Variants in MAGI1 observed in about 807,000 individuals in gnomAD.
MAGI1 encodes the protein membrane associated guanylate kinase, WW and PDZ domain containing 1.
In MAGI1, 58 loss-of-function variants were observed where a neutral mutation model predicts 139.9. That is an observed-to-expected ratio of 0.41 (90% CI 0.34 to 0.52). The LOEUF is 0.52. Ranked by LOEUF, MAGI1 falls within the 20% of genes least tolerant of loss-of-function variation. MAGI1 has a pLI of 0.12. For missense variants in MAGI1, 1,874 were observed against 1,901.6 expected (o/e 0.99, Z 0.27); for synonymous variants, 812 against 737.9 (o/e 1.10, Z -1.63).
chr3:65,945,060 G>A (rs940727665), intron 1 of MAGI1, among the ~76,000 whole-genome samples: 2 of 152,144 alleles, frequency 1.3e-5, no homozygotes, highest in Non-Finnish European at 2.9e-5. Context: ...GGAAACAAGT[G>A]GTGTGTCCGT....
At chr3:65,762,513 T>C (rs1247306849) in intron 1 of MAGI1, among the ~76,000 whole-genome samples, 2 of 152,146 alleles carry the variant, frequency 1.3e-5, no homozygotes, top group Non-Finnish European at 2.9e-5. Flanking sequence ...ATCATTATTT[T>C]ACATTATAAT....
At chr3:65,794,279 C>A (rs535426404) in intron 1 of MAGI1, among the ~76,000 whole-genome samples, 2 of 152,176 alleles carry the variant, frequency 1.3e-5, no homozygotes, top group African/African-American at 4.8e-5. Context: ...TTGCAAGCCA[C>A]AGACTCAACA....
chr3:65,454,568 G>T (rs1247831642), intron 5 of MAGI1, among the ~76,000 whole-genome samples: 12 of 124,886 alleles, frequency 9.6e-5, no homozygotes, highest in African/African-American at 2.9e-4. Context: ...AAAAATACTT[G>T]TTTTACAAAA....
At chr3:65,823,682 G>A (rs2042065983) in intron 1 of MAGI1, among the ~76,000 whole-genome samples, 1 of 152,144 alleles carries the variant, frequency 6.6e-6, no homozygotes, top group Admixed American at 6.6e-5. Flanking sequence ...CTATTTTTAT[G>A]AGAAGGCAAT....
At chr3:65,835,611 A>T (rs563027681) in intron 1 of MAGI1, among the ~76,000 whole-genome samples, 1 of 152,196 alleles carries the variant, frequency 6.6e-6, no homozygotes, top group Non-Finnish European at 1.5e-5. Context: ...ACAGATGACT[A>T]TATACAAGAA....
intron 2 of MAGI1, among the ~76,000 whole-genome samples, chr3:65,544,654 G>A (rs1243716309): frequency 6.6e-6 from 1 of 152,080 alleles, no homozygotes; most frequent in Non-Finnish European, 1.5e-5. Context: ...TTGTGGTTTG[G>A]ACAATTTTCA....
At chr3:65,653,909 A>G (rs1227312001) in intron 1 of MAGI1, among the ~76,000 whole-genome samples, 1 of 152,184 alleles carries the variant, frequency 6.6e-6, no homozygotes, top group Non-Finnish European at 1.5e-5. Flanking sequence ...ATGCATACAC[A>G]TAGGCGTTAT....
At chr3:65,501,883 C>T (rs1305853227) in intron 2 of MAGI1, among the ~76,000 whole-genome samples, 1 of 152,208 alleles carries the variant, frequency 6.6e-6, no homozygotes, top group Non-Finnish European at 1.5e-5. Flanking sequence ...ACTACAGATA[C>T]ACACAGCATG....
At chr3:65,507,265 C>T (rs2077331372) in intron 2 of MAGI1, among the ~76,000 whole-genome samples, 1 of 152,164 alleles carries the variant, frequency 6.6e-6, no homozygotes, top group Non-Finnish European at 1.5e-5. Context: ...CTGAACATAT[C>T]TTTCCATTTG....
At chr3:65,611,306 T>C (rs2083089398) in intron 2 of MAGI1, among the ~76,000 whole-genome samples, 1 of 141,862 alleles carries the variant, frequency 7.0e-6, no homozygotes. Flanking sequence ...GTATATACTA[T>C]ATGTACATAT....
chr3:65,810,939 T>C (rs370904360), intron 1 of MAGI1, among the ~76,000 whole-genome samples: 2 of 152,228 alleles, frequency 1.3e-5, no homozygotes, highest in African/African-American at 2.4e-5. Context: ...ACATGGCATA[T>C]AGTAGGTACT....
intron 5 of MAGI1, 41 bp downstream of exon 5, chr3:65,470,242 A>C (rs754192491): frequency 7.0e-7 from 1 of 1,422,646 alleles, no homozygotes; most frequent in Non-Finnish European, 9.9e-7. Flanking sequence ...AAGGGAAAAG[A>C]AAGAGAGAGA....
At chr3:65,416,354 T>C (rs1411970775) in intron 12 of MAGI1, among the ~76,000 whole-genome samples, 1 of 152,216 alleles carries the variant, frequency 6.6e-6, no homozygotes, top group Admixed American at 6.5e-5. Context: ...TTATGACTGC[T>C]ATTCTATGAC....
chr3:65,453,025 G>C (rs761392033), intron 6 of MAGI1: 7 of 490,236 alleles, frequency 1.4e-5, no homozygotes, highest in Non-Finnish European at 2.2e-5. Context: ...TGACTGTTCT[G>C]CTTCTAATGG....
chr3:65,891,838 G>A (rs1187275817), intron 1 of MAGI1, among the ~76,000 whole-genome samples: 2 of 124,548 alleles, frequency 1.6e-5, no homozygotes, highest in Non-Finnish European at 3.3e-5. Context: ...GTATACATAC[G>A]TAACAAACCT....
At chr3:65,578,050 G>A (rs1386991279) in intron 2 of MAGI1, among the ~76,000 whole-genome samples, 2 of 152,306 alleles carry the variant, frequency 1.3e-5, no homozygotes, top group South Asian at 4.1e-4. Context: ...TACCCAGCAT[G>A]CCTGCTTGTT....
chr3:65,413,896 T>G (rs1182915863), intron 12 of MAGI1, among the ~76,000 whole-genome samples: 1 of 152,132 alleles, frequency 6.6e-6, no homozygotes, highest in Non-Finnish European at 1.5e-5. Context: ...ATGAAATATT[T>G]TAGTTGGGAA....
chr3:65,686,625 G>C (rs1023077432), intron 1 of MAGI1, among the ~76,000 whole-genome samples: 2 of 152,102 alleles, frequency 1.3e-5, no homozygotes, highest in Non-Finnish European at 2.9e-5. Flanking sequence ...GAGAGGAAGG[G>C]GATTGTTGCA....
intron 12 of MAGI1, among the ~76,000 whole-genome samples, chr3:65,410,132 G>A (rs544329011): frequency 2.5e-4 from 38 of 152,284 alleles, no homozygotes; most frequent in African/African-American, 9.1e-4. Flanking sequence ...TGGATGAATT[G>A]TCTCCATGCA....
Sources: allele counts gnomAD v4.1 joint callset (sites outside exome capture counted in the v4.1 genomes callset), GRCh38; gene constraint gnomAD v4.1.1; transcripts MANE v1.5; gene names NCBI Gene and HGNC (gene_info 2026-07-23, HGNC 2026-07-21).